Variants in DPYSL3 observed in about 807,000 individuals in gnomAD.
DPYSL3 encodes the protein dihydropyrimidinase-related protein 3.
DPYSL3 carries 16 observed loss-of-function variants against 66.1 expected under a neutral mutation model. The observed-to-expected ratio is 0.24, with a 90% CI of 0.16 to 0.37. The LOEUF is 0.37. Ranked by LOEUF, DPYSL3 falls within the 10% of genes least tolerant of loss-of-function variation. The pLI, the probability that DPYSL3 is intolerant of heterozygous loss-of-function variation, is 1.00. For synonymous variants in DPYSL3, 338 were observed against 345.1 expected (o/e 0.98, Z 0.23); for missense variants, 738 against 916.2 (o/e 0.81, Z 2.51).
At chr5:147,431,076 AT>A (rs1752306751) in intron 1 of DPYSL3, among the ~76,000 whole-genome samples, 1 of 152,220 alleles carries the variant, frequency 6.6e-6, no homozygotes, top group Non-Finnish European at 1.5e-5. Context: ...TTTAAAATAA[AT>A]TCCCATTTGG....
At chr5:147,506,616 G>A (rs547025950) in intron 1 of DPYSL3, among the ~76,000 whole-genome samples, 1 of 152,026 alleles carries the variant, frequency 6.6e-6, no homozygotes, top group South Asian at 2.1e-4. Context: ...GAATAATAAG[G>A]GTAAGAAAGA....
chr5:147,466,109 A>G (rs1337946986), intron 1 of DPYSL3, among the ~76,000 whole-genome samples: 2 of 152,246 alleles, frequency 1.3e-5, no homozygotes, highest in East Asian at 3.9e-4. Flanking sequence ...TTCTGGGCTC[A>G]TAGACACACA....
At chr5:147,447,419 C>T (rs1174887416) in intron 1 of DPYSL3, among the ~76,000 whole-genome samples, 2 of 152,148 alleles carry the variant, frequency 1.3e-5, no homozygotes, top group Non-Finnish European at 2.9e-5. Flanking sequence ...AGGGACTTCA[C>T]AGCAAAAGGA....
chr5:147,453,705 G>GCGCCGC (rs974433077), intron 1 of DPYSL3: 71 of 1,335,746 alleles, frequency 5.3e-5, no homozygotes, highest in Middle Eastern at 2.7e-4. Context: ...TGCGCTGGCC[G>GCGCCGC]CGCCGCCGCC....
At chr5:147,487,274 A>AT (rs1299208987) in intron 1 of DPYSL3, among the ~76,000 whole-genome samples, 1 of 152,000 alleles carries the variant, frequency 6.6e-6, no homozygotes, top group Non-Finnish European at 1.5e-5. Context: ...CATTTCATAA[A>AT]TTTGCATTCT....
chr5:147,423,855 G>T (rs537283018), intron 2 of DPYSL3, among the ~76,000 whole-genome samples: 4 of 152,046 alleles, frequency 2.6e-5, no homozygotes, highest in Non-Finnish European at 5.9e-5. Flanking sequence ...TGAGTAGCTG[G>T]GACTGCAGGC....
intron 1 of DPYSL3, among the ~76,000 whole-genome samples, chr5:147,494,831 A>G (rs1433886030): frequency 1.3e-5 from 2 of 150,868 alleles, no homozygotes; most frequent in East Asian, 1.9e-4. Flanking sequence ...GTGAGCCGAG[A>G]TCGCGCCACT....
chr5:147,428,678 A>G (rs1436501738), intron 1 of DPYSL3, among the ~76,000 whole-genome samples: 3 of 152,140 alleles, frequency 2.0e-5, no homozygotes, highest in Non-Finnish European at 4.4e-5. Context: ...TGGCAGGGAC[A>G]TGGATGGAGC....
At chr5:147,413,458 G>A in intron 5 of DPYSL3, 138 bp downstream of exon 5, 2 of 672,456 alleles carry the variant, frequency 3.0e-6, no homozygotes, top group Admixed American at 2.6e-5. Flanking sequence ...AGCGTGGACT[G>A]CAAAGGCTTC....
chr5:147,453,441 C>T, intron 1 of DPYSL3: 1 of 1,392,304 alleles, frequency 7.2e-7, no homozygotes, highest in Non-Finnish European at 9.4e-7. Flanking sequence ...CTCCGTCCCT[C>T]CCCGGGGACC....
In DPYSL3 at chr5:147,408,595, C is replaced by T. The variant is rs74853885; in HGVS notation, c.1032+133G>A. 5.1e-3 allele frequency: 4,547 copies of T among 885,202 alleles called. 139 individuals are homozygous for T. The African/African-American group carries it at 0.068, about 13-fold the overall frequency. The allele number at this position is 885,202 out of a possible 1,614,324, so 54.8% of individuals were successfully genotyped here. On this transcript the variant is annotated intron_variant, in intron 7 of 13. Transcript: ENST00000343218. ...TCCTTTCTAATTTTCTCACGGGCTC[C>T]TGAGTTAGAGTCAATCAGAAGTGGT... is the stretch of plus-strand genomic sequence containing the variant.
At chr5:147,432,664 G>A (rs771785988) in intron 1 of DPYSL3, among the ~76,000 whole-genome samples, 30 of 152,192 alleles carry the variant, frequency 2.0e-4, no homozygotes, top group Non-Finnish European at 3.4e-4. Flanking sequence ...CATTCTCAAC[G>A]AGAAAGGTCA....
At position 147,475,627 on chromosome 5, in the gene DPYSL3, A is replaced by G. The variant is rs576984718; in HGVS notation, c.381+33851T>C. Among the ~76,000 whole-genome samples, 26 of 152,298 alleles carry G rather than the reference A, an allele frequency of 1.7e-4. 1 individual carries two copies. Among genetic ancestry groups the G allele is most frequent in the South Asian group, 8.3e-4 (4 of 4,828 alleles). ...ATACCTTGAAAGAACAGATGAAAGC[A>G]GAGCCTCAAAGTTAACGTATAAATA... On this transcript the variant is annotated intron_variant, in intron 1 of 13. Transcript: ENST00000343218.
intron 1 of DPYSL3, among the ~76,000 whole-genome samples, chr5:147,428,659 C>T (rs1280702373): frequency 6.6e-6 from 1 of 152,124 alleles, no homozygotes; most frequent in African/African-American, 2.4e-5. Flanking sequence ...TTAAAAGTTG[C>T]TCTCTCCTTG....
At chr5:147,441,379 C>T (rs866783936) in intron 1 of DPYSL3, among the ~76,000 whole-genome samples, 1 of 152,142 alleles carries the variant, frequency 6.6e-6, no homozygotes, top group Non-Finnish European at 1.5e-5. Flanking sequence ...TCCCTCTGTG[C>T]GTGTCTGTGT....
chr5:147,412,318 C>T (rs1283813293), intron 6 of DPYSL3, among the ~76,000 whole-genome samples: 1 of 152,198 alleles, frequency 6.6e-6, no homozygotes, highest in Non-Finnish European at 1.5e-5. Flanking sequence ...AAATGCTCTC[C>T]CATTAAATGT....
At chr5:147,497,896 T>TTCTC (rs34530065) in intron 1 of DPYSL3, among the ~76,000 whole-genome samples, 9 of 149,754 alleles carry the variant, frequency 6.0e-5, no homozygotes, top group East Asian at 3.9e-4. Context: ...CTTCCTTCCC[T>TTCTC]TCTCTCTCTC....
chr5:147,435,578 GT>G (rs1223728714), intron 1 of DPYSL3, among the ~76,000 whole-genome samples: 1 of 152,110 alleles, frequency 6.6e-6, no homozygotes, highest in Non-Finnish European at 1.5e-5. Flanking sequence ...CAACTAGGAA[GT>G]TTGACCTTTA....
At position 147,410,663 on chromosome 5, in the gene DPYSL3, G is replaced by A. The variant is rs114327874; in HGVS notation, c.964-1867C>T. ...TGAACGAATGGCTAAAGATGCTGTCGTCTTAGACTGTTTTGCCAACTTGAA... is the reference window on the plus strand; with the variant it reads ...TGAACGAATGGCTAAAGATGCTGTCATCTTAGACTGTTTTGCCAACTTGAA... On this transcript the variant is annotated intron_variant, in intron 6 of 13. Coordinates refer to ENST00000343218, the MANE Select transcript of DPYSL3 (RefSeq NM_001197294.2). Among the ~76,000 whole-genome samples, 1,173 of 152,244 alleles carry A rather than the reference G, an allele frequency of 7.7e-3. 6 individuals are homozygous for A. The highest frequency in any genetic ancestry group is 0.031 in the Middle Eastern group (9 of 294).
Sources: allele counts gnomAD v4.1 joint callset (sites outside exome capture counted in the v4.1 genomes callset), GRCh38; gene constraint gnomAD v4.1.1; transcripts MANE v1.5; gene names NCBI Gene and HGNC (gene_info 2026-07-23, HGNC 2026-07-21).